Variants in HERC2 observed in about 807,000 individuals in gnomAD.
HERC2 encodes HECT and RLD domain containing E3 ubiquitin protein ligase 2, also known as E3 ubiquitin-protein ligase HERC2.
A neutral mutation model predicts 537.7 loss-of-function variants in HERC2; 102 were observed. The ratio of observed to expected loss-of-function variants is 0.19; its 90% CI spans 0.16 to 0.22. The LOEUF is 0.22. Among genes scored for constraint, HERC2 ranks in the 10% least tolerant of loss-of-function variants. The pLI, the probability that HERC2 is intolerant of heterozygous loss-of-function variation, is 1.00. For synonymous variants in HERC2, 2,224 were observed against 2,466.2 expected (o/e 0.90, Z 2.91); for missense variants, 4,236 against 6,198.2 (o/e 0.68, Z 10.63).
At position 28,135,751 on chromosome 15, in the gene HERC2, A is replaced by T. The variant is rs1041105834; in HGVS notation, c.12016-59T>A. 2.8e-5 allele frequency: 35 copies of T among 1,254,052 alleles called. No homozygotes were observed. In the African/African-American group the frequency reaches 4.9e-4, roughly 17 times the overall value. The allele number at this position is 1,254,052 out of a possible 1,614,324, so 77.7% of individuals were successfully genotyped here. ...TTTAATCTCAATATCCCCTAAATTTACTAATTCATAAACCTAATCCATGCT... is the reference window on the plus strand; with the variant it reads ...TTTAATCTCAATATCCCCTAAATTTTCTAATTCATAAACCTAATCCATGCT... On this transcript the variant is annotated intron_variant, in intron 78 of 92. Coordinates refer to ENST00000261609, the MANE Select transcript of HERC2 (RefSeq NM_004667.6).
intron 5 of HERC2, among the ~76,000 whole-genome samples, chr15:28,279,401 C>T (rs1007476625): frequency 6.6e-6 from 1 of 152,142 alleles, no homozygotes; most frequent in African/African-American, 2.4e-5. Flanking sequence ...TACCCAGCAG[C>T]AAAACAAAAT....
intron 23 of HERC2, among the ~76,000 whole-genome samples, chr15:28,245,010 C>T (rs1489582976): frequency 6.6e-6 from 1 of 152,110 alleles, no homozygotes; most frequent in African/African-American, 2.4e-5. Context: ...AAGTCTCATT[C>T]CAATTTGGGA....
intron 44 of HERC2, among the ~76,000 whole-genome samples, chr15:28,208,344 T>C (rs1898714205): frequency 6.6e-6 from 1 of 152,102 alleles, no homozygotes; most frequent in Non-Finnish European, 1.5e-5. Context: ...TGGTTCCCCA[T>C]AAAGTTATCA....
chr15:28,287,005 T>C (rs554202092), intron 4 of HERC2, among the ~76,000 whole-genome samples: 33 of 152,268 alleles, frequency 2.2e-4, no homozygotes, highest in African/African-American at 7.9e-4. Context: ...GCACGTGGGA[T>C]AATGCCAGCG....
chr15:28,127,824 A>C (rs1889673279), intron 83 of HERC2, among the ~76,000 whole-genome samples: 1 of 152,170 alleles, frequency 6.6e-6, no homozygotes, highest in African/African-American at 2.4e-5. Flanking sequence ...TAGACTATAT[A>C]CCCCAATGAA....
intron 1 of HERC2, 76 bp downstream of exon 1, chr15:28,321,999 C>A (rs2077243441): frequency 1.0e-5 from 1 of 98,924 alleles, no homozygotes; most frequent in East Asian, 4.5e-4. Flanking sequence ...ACGCCCGCCT[C>A]CCGGGCTCGG....
In HERC2 at chr15:28,202,571, G is replaced by A. The variant is rs1898027644; in HGVS notation, c.7256C>T (p.Thr2419Ile). ...TTCAAATCCTGGGCTCGAAGGGTGAGTGGACTCCACAGCCAAGCACTGGCA... is the reference window on the plus strand; with the variant it reads ...TTCAAATCCTGGGCTCGAAGGGTGAATGGACTCCACAGCCAAGCACTGGCA... ...AVCQCLAVES[T>I]HPSSPGFEDC... is the part of the protein sequence containing the mutation. The change falls in exon 46 of 93, where the codon ACT becomes ATT. Residue 2419 changes from threonine to isoleucine, a missense_variant. This residue lies in a region of HERC2 where 35 missense variants were observed against 68.7 expected (regional missense o/e 0.51). Coordinates refer to ENST00000261609, the MANE Select transcript of HERC2 (RefSeq NM_004667.6). The A allele has an allele frequency of 4.1e-6, 3 of 731,062 alleles. No individual in the cohort carries two copies. In the South Asian group the frequency reaches 5.1e-5, roughly 12 times the overall value. 45.3% of individuals were successfully genotyped at this position (731,062 alleles called of 1,614,324 possible). A position where few individuals can be genotyped will look rare whatever the true frequency, so the allele number is the denominator to read the frequency against.
chr15:28,257,052 C>T lies in HERC2; in HGVS notation c.2517+9G>A. 1 of 1,609,736 alleles carries T rather than the reference C, an allele frequency of 6.2e-7. No individual in the cohort carries two copies. Among genetic ancestry groups the T allele is most frequent in the Non-Finnish European group, 8.5e-7 (1 of 1,176,432 alleles). ...CAAAAGGAGGAAGAAGAAGGGAAATCATGAATACCTGAAGTCGTAGAAGAT... is the reference window on the plus strand; with the variant it reads ...CAAAAGGAGGAAGAAGAAGGGAAATTATGAATACCTGAAGTCGTAGAAGAT... On this transcript the variant is annotated intron_variant, in intron 17 of 92. Transcript: ENST00000261609.
At chr15:28,131,039 C>T (rs1890055674) in intron 81 of HERC2, among the ~76,000 whole-genome samples, 1 of 152,190 alleles carries the variant, frequency 6.6e-6, no homozygotes, top group African/African-American at 2.4e-5. Flanking sequence ...CCCACCCACC[C>T]TCCACACTGC....
chr15:28,116,124 G>A (rs370254658), intron 88 of HERC2, among the ~76,000 whole-genome samples: 20 of 152,252 alleles, frequency 1.3e-4, no homozygotes, highest in African/African-American at 4.3e-4. Flanking sequence ...GTCCACCACC[G>A]TCAGGCCCTC....
chr15:28,150,189 C>T (rs867514403), intron 70 of HERC2, among the ~76,000 whole-genome samples: 8 of 151,896 alleles, frequency 5.3e-5, no homozygotes, highest in African/African-American at 1.5e-4. Context: ...AAAACGCACG[C>T]GGCTGCTAAC....
At chr15:28,194,495 G>A (rs1329861222) in intron 52 of HERC2, among the ~76,000 whole-genome samples, 7 of 151,638 alleles carry the variant, frequency 4.6e-5, no homozygotes, top group South Asian at 2.1e-4. Flanking sequence ...GCATGAACCC[G>A]GGAAGCGGAG....
intron 5 of HERC2, among the ~76,000 whole-genome samples, chr15:28,277,753 T>C (rs1290650465): frequency 1.3e-5 from 2 of 152,160 alleles, no homozygotes; most frequent in Admixed American, 6.5e-5. Flanking sequence ...TATTACCAAA[T>C]GGGTAGGAAT....
chr15:28,268,395 G>C lies in HERC2; in HGVS notation c.1598+70C>G. ...GGAAAACACCTGGACACACTTCTGC[G>C]CTCCATCCTGTTTAGGATATGGCAA... On this transcript the variant is annotated intron_variant, in intron 12 of 92. Coordinates refer to ENST00000261609, the MANE Select transcript of HERC2 (RefSeq NM_004667.6). The surrounding 1 kb of genome is among the most constrained non-coding windows in gnomAD (Gnocchi z 4.7). 1 of 1,448,090 alleles carries C rather than the reference G, an allele frequency of 6.9e-7. No individual in the cohort carries two copies. The highest frequency in any genetic ancestry group is 9.5e-7 in the Non-Finnish European group (1 of 1,047,616). The allele number at this position is 1,448,090 out of a possible 1,614,324, so 89.7% of individuals were successfully genotyped here. A position where few individuals can be genotyped will look rare whatever the true frequency, so the allele number is the denominator to read the frequency against.
chr15:28,128,189 G>A (rs947180090), intron 83 of HERC2, among the ~76,000 whole-genome samples: 3 of 152,218 alleles, frequency 2.0e-5, no homozygotes, highest in Non-Finnish European at 4.4e-5. Flanking sequence ...AAACGATGAT[G>A]CCAGGCACTG....
At chr15:28,232,229 A>G (rs1373048601) in intron 30 of HERC2, among the ~76,000 whole-genome samples, 1 of 152,224 alleles carries the variant, frequency 6.6e-6, no homozygotes, top group African/African-American at 2.4e-5. Flanking sequence ...GTTTGTGAGT[A>G]AATCAGTATA....
Position 28,171,813 on chromosome 15 carries a change from G to A in HERC2, c.10058-2158C>T, listed in dbSNP as rs566441685. Among the ~76,000 whole-genome samples the A allele has an allele frequency of 5.9e-5, 9 of 152,200 alleles. No individual in the cohort carries two copies. In the East Asian group the frequency reaches 1.5e-3, roughly 26 times the overall value. On this transcript the variant is annotated intron_variant, in intron 65 of 92. Coordinates refer to ENST00000261609, the MANE Select transcript of HERC2 (RefSeq NM_004667.6). Reference sequence around the variant, plus strand: ...CAATAGACCGGGTGCGGTGACTCACGCCTGTAATCCCAGCACTTTGGGAGG... The same window carrying A: ...CAATAGACCGGGTGCGGTGACTCACACCTGTAATCCCAGCACTTTGGGAGG...
At chr15:28,292,230 CAAAAAAAAAA>C (rs34513876) in intron 4 of HERC2, among the ~76,000 whole-genome samples, 1 of 67,480 alleles carries the variant, frequency 1.5e-5, no homozygotes, top group Non-Finnish European at 2.7e-5. Context: ...ACTCCATCTC[CAAAAAAAAAA>C]AAAAAAAAAA....
chr15:28,270,039 G>A (rs371305671), intron 10 of HERC2, among the ~76,000 whole-genome samples: 1 of 152,174 alleles, frequency 6.6e-6, no homozygotes, highest in South Asian at 2.1e-4. Context: ...TTGGCTCACT[G>A]CAACCTCCGC....
Sources: allele counts gnomAD v4.1 joint callset (sites outside exome capture counted in the v4.1 genomes callset), GRCh38; gene constraint gnomAD v4.1.1; regional missense constraint gnomAD v4.1.1; non-coding constraint Gnocchi (gnomAD v3.1); transcripts MANE v1.5; gene names NCBI Gene and HGNC (gene_info 2026-07-23, HGNC 2026-07-21).